EXOC6: variants seen among roughly 807,000 people sequenced by gnomAD.
EXOC6 encodes the protein SEC15-like 1.
Under a neutral mutation model 112.5 loss-of-function variants are expected in EXOC6, and 60 were observed. The ratio of observed to expected loss-of-function variants is 0.53; its 90% confidence interval spans 0.43 to 0.66. The LOEUF is 0.66. Among genes scored for constraint, EXOC6 ranks in the 30% least tolerant of loss-of-function variants. EXOC6 has a pLI of 0.00. For missense variants in EXOC6, 855 were observed against 957.1 expected, an observed-to-expected ratio of 0.89 and a Z score of 1.41; for synonymous variants, 295 against 308.0, an observed-to-expected ratio of 0.96 and a Z score of 0.44.
At chr10:92,970,144 T>G (rs1842236786) in intron 17 of EXOC6, among the ~76,000 whole-genome samples, 1 of 152,238 alleles carries the variant, frequency 6.6e-6, no homozygotes, top group African/African-American at 2.4e-5. Flanking sequence ...GCTAGGGATA[T>G]ATCAGTGAAT....
In EXOC6 at chr10:92,949,257, G is replaced by A. The variant is rs143503005; in HGVS notation, c.1416+878G>A. 3.9e-5 allele frequency among the ~76,000 whole-genome samples: 6 copies of A among 152,066 alleles called. No homozygotes were observed. In the East Asian group the frequency reaches 9.7e-4, roughly 25 times the overall value. On this transcript the variant is annotated intron_variant, in intron 14 of 21. Coordinates refer to ENST00000260762, the MANE Select transcript of EXOC6 (RefSeq NM_019053.6). Reference sequence around the variant, plus strand: ...GAGTGAATCATGACTGTAAATTTTTGTTGTATTTTTATACATAAACTAAGC... The same window carrying A: ...GAGTGAATCATGACTGTAAATTTTTATTGTATTTTTATACATAAACTAAGC...
At chr10:93,017,016 G>A (rs921927742) in intron 20 of EXOC6, among the ~76,000 whole-genome samples, 3 of 151,508 alleles carry the variant, frequency 2.0e-5, no homozygotes, top group African/African-American at 2.4e-5. Context: ...GGGTTTCGCC[G>A]GGTTGGCCAG....
At chr10:92,998,938 C>T (rs879505548) in intron 19 of EXOC6, among the ~76,000 whole-genome samples, 1 of 152,156 alleles carries the variant, frequency 6.6e-6, no homozygotes, top group Admixed American at 6.5e-5. Context: ...GTGGCACAGT[C>T]TCAGCTCACT....
rs192621700 is a variant in EXOC6, at chr10:93,048,799, A to C, written c.2170-8125A>C. Among the ~76,000 whole-genome samples, 4 of 151,384 alleles carry C rather than the reference A, an allele frequency of 2.6e-5. No individual in the cohort carries two copies. In the South Asian group the frequency reaches 8.3e-4, roughly 32 times the overall value. ...AATTTATTAACATCTTTTTGCATTC[A>C]TAAAAAACTTTCAGGAAACTTTAAT... On this transcript the variant is annotated intron_variant, in intron 20 of 21. Transcript: ENST00000260762.
At chr10:92,897,106 G>A (rs1169823058) in intron 4 of EXOC6, among the ~76,000 whole-genome samples, 2 of 152,072 alleles carry the variant, frequency 1.3e-5, no homozygotes, top group Non-Finnish European at 2.9e-5. Flanking sequence ...TTTTGTCCCT[G>A]TCTGATAATA....
rs1382624873 is a variant in EXOC6 at position 92,848,648 on chromosome 10, C to T, written c.101+14C>T. 5 of 1,364,018 alleles carry T rather than the reference C, an allele frequency of 3.7e-6. No individual in the cohort carries two copies. In the Admixed American group the frequency reaches 9.8e-5, roughly 27 times the overall value. 84.5% of individuals were successfully genotyped at this position (1,364,018 alleles called of 1,614,324 possible). A position where few individuals can be genotyped will look rare whatever the true frequency, so the allele number is the denominator to read the frequency against. On this transcript the variant is annotated intron_variant, in intron 1 of 21. Transcript: ENST00000260762. The stretch of plus-strand genomic sequence containing the variant: ...GCCCACCCTCCGGTAAAGATCTCAT[C>T]CCACCGGGACTTCGGCCCCCCGCCC...
chr10:92,902,084 A>G (rs1203798944), intron 5 of EXOC6, among the ~76,000 whole-genome samples: 2 of 148,422 alleles, frequency 1.3e-5, no homozygotes, highest in African/African-American at 2.5e-5. Flanking sequence ...ACACACATAC[A>G]CACACACACA....
At chr10:93,005,435 A>T (rs1442562061) in intron 19 of EXOC6, among the ~76,000 whole-genome samples, 1 of 152,168 alleles carries the variant, frequency 6.6e-6, no homozygotes, top group Non-Finnish European at 1.5e-5. Flanking sequence ...GAATCAGTGT[A>T]TGTACTTTGT....
chr10:92,991,435 CAA>C (rs1449664701), intron 18 of EXOC6, among the ~76,000 whole-genome samples: 2 of 48,830 alleles, frequency 4.1e-5, no homozygotes, highest in African/African-American at 6.4e-5. Context: ...GACTCCATCT[CAA>C]AAAAAAAAAA....
intron 1 of EXOC6, among the ~76,000 whole-genome samples, chr10:92,849,239 C>T (rs1315613665): frequency 6.6e-6 from 1 of 152,158 alleles, no homozygotes; most frequent in Non-Finnish European, 1.5e-5. Context: ...AGGAGAGCAG[C>T]TGCTTGCTGC....
chr10:92,856,950 G>A (rs1262150715), intron 1 of EXOC6, among the ~76,000 whole-genome samples: 1 of 152,070 alleles, frequency 6.6e-6, no homozygotes, highest in African/African-American at 2.4e-5. Flanking sequence ...CTTTCTTATA[G>A]TTGCTCTTTT....
chr10:92,938,093 T>A (rs1450955950), intron 12 of EXOC6, among the ~76,000 whole-genome samples: 1 of 152,144 alleles, frequency 6.6e-6, no homozygotes, highest in Non-Finnish European at 1.5e-5. Context: ...TAATAAATAG[T>A]TATTGGACTG....
chr10:92,965,751 A>G (rs12357515), intron 17 of EXOC6, among the ~76,000 whole-genome samples: 14,527 of 152,180 alleles, frequency 0.095, 773 homozygotes, highest in Admixed American at 0.17. Flanking sequence ...CCTTGCTCCC[A>G]TTTCTTTAAA....
intron 13 of EXOC6, 85 bp downstream of exon 13, chr10:92,940,909 C>G: frequency 1.2e-6 from 1 of 866,356 alleles, no homozygotes; most frequent in South Asian, 1.5e-5. Context: ...AATAAAAATG[C>G]TTATAATCAT....
chr10:92,993,273 T>A (rs1371033130), intron 18 of EXOC6, among the ~76,000 whole-genome samples: 2 of 151,068 alleles, frequency 1.3e-5, no homozygotes, highest in Non-Finnish European at 2.9e-5. Flanking sequence ...AGTAAAAAAG[T>A]AGTTTATTGT....
chr10:92,859,066 C>T (rs1847767562), intron 1 of EXOC6, among the ~76,000 whole-genome samples: 1 of 152,148 alleles, frequency 6.6e-6, no homozygotes. Context: ...CGCCTGGCCA[C>T]TGTTGCGTGT....
At position 92,935,829 on chromosome 10, in the gene EXOC6, C is replaced by A. The variant is rs543649494; in HGVS notation, c.1156C>A (p.Pro386Thr). Residue 386 changes from proline to threonine, a missense_variant, in exon 12 of 22, where the codon CCT becomes ACT. Transcript: ENST00000260762. ...LRAHSSYCTD[P>T]DLVLELKNLT... Reference sequence around the variant, plus strand: ...CCACCCTCAGTCCTATTGCACTGATCCTGATCTTGTTCTGGAGCTGAAGAA... The same window carrying A: ...CCACCCTCAGTCCTATTGCACTGATACTGATCTTGTTCTGGAGCTGAAGAA... 19 of 1,608,668 alleles carry A rather than the reference C, an allele frequency of 1.2e-5. No individual in the cohort carries two copies. The South Asian group carries it at 1.9e-4, about 16-fold the overall frequency.
chr10:93,031,931 T>A (rs1845296133), intron 20 of EXOC6, among the ~76,000 whole-genome samples: 1 of 152,230 alleles, frequency 6.6e-6, no homozygotes, highest in Admixed American at 6.5e-5. Flanking sequence ...CGATAAATTG[T>A]TAAGTCTGGG....
At chr10:92,915,943 AT>A (rs776934174) in intron 7 of EXOC6, 30 bp downstream of exon 7, 1 of 1,447,796 alleles carries the variant, frequency 6.9e-7, no homozygotes, top group South Asian at 1.4e-5. Flanking sequence ...CTTTTCTATT[AT>A]TAGATAATTT....
Sources: gnomAD v4.1 joint callset for allele counts (sites outside exome capture counted in the v4.1 genomes callset) on GRCh38, gnomAD v4.1.1 for gene constraint, MANE v1.5 for transcripts, NCBI Gene and HGNC (gene_info 2026-07-23, HGNC 2026-07-21) for gene names.